The following CNOT1 variants were observed in gnomAD, a reference collection of about 807,000 sequenced individuals.
CNOT1 encodes CCR4-associated factor 1.
Under a neutral mutation model 273.8 loss-of-function variants are expected in CNOT1, and 15 were observed. The ratio of observed to expected loss-of-function variants is 0.05; its 90% CI spans 0.04 to 0.08. The LOEUF (loss-of-function observed/expected upper bound fraction) is 0.08. Among genes scored for constraint, CNOT1 ranks in the 10% least tolerant of loss-of-function variants. The pLI is 1.00. For synonymous variants in CNOT1, 1,022 were observed against 1,005.5 expected (o/e 1.02, Z -0.31); for missense variants, 1,644 against 2,912.2 (o/e 0.56, Z 10.02).
At chr16:58,604,360 C>G (rs528869976) in intron 1 of CNOT1, among the ~76,000 whole-genome samples, 1 of 152,136 alleles carries the variant, frequency 6.6e-6, no homozygotes, top group Non-Finnish European at 1.5e-5. Flanking sequence ...GATATTCATT[C>G]ACTATAAGGG....
chr16:58,593,499 C>T (rs1196480867), intron 2 of CNOT1, among the ~76,000 whole-genome samples: 4 of 151,134 alleles, frequency 2.6e-5, no homozygotes, highest in African/African-American at 9.8e-5. Flanking sequence ...GTGGAGGTTG[C>T]AGCGAGCGGA....
intron 46 of CNOT1, among the ~76,000 whole-genome samples, chr16:58,524,382 T>G (rs1336824793): frequency 6.6e-6 from 1 of 152,026 alleles, no homozygotes; most frequent in East Asian, 1.9e-4. Context: ...TGGGTTTGGT[T>G]GTTTGCCTCT....
At chr16:58,556,553 A>G (rs1420144835) in intron 19 of CNOT1, among the ~76,000 whole-genome samples, 6 of 149,634 alleles carry the variant, frequency 4.0e-5, no homozygotes, top group African/African-American at 1.5e-4. Flanking sequence ...AACTCAACAC[A>G]TGTTTAGGTT....
At chr16:58,564,944 T>A (rs1038996719) in intron 16 of CNOT1, among the ~76,000 whole-genome samples, 3 of 151,894 alleles carry the variant, frequency 2.0e-5, no homozygotes, top group Non-Finnish European at 4.4e-5. Context: ...CTCAAAAAAA[T>A]AAATAAATAA....
chr16:58,576,616 T>C, intron 13 of CNOT1, 34 bp from the exon 14 acceptor site: 1 of 1,613,112 alleles, frequency 6.2e-7, no homozygotes, highest in Non-Finnish European at 8.5e-7. Flanking sequence ...ATAGCAATAC[T>C]GCTAAACACT....
chr16:58,590,881 C>T (rs970591077), intron 2 of CNOT1, among the ~76,000 whole-genome samples: 2 of 152,220 alleles, frequency 1.3e-5, no homozygotes, highest in African/African-American at 2.4e-5. Flanking sequence ...GTATATGCTA[C>T]GTACTAGTCT....
chr16:58,599,699 A>C (rs1395792070), intron 1 of CNOT1, among the ~76,000 whole-genome samples, 188 bp from the exon 2 acceptor site: 1 of 152,182 alleles, frequency 6.6e-6, no homozygotes, highest in Non-Finnish European at 1.5e-5. Flanking sequence ...ATGACTCTAA[A>C]AAGATAGTAA....
In CNOT1 at chr16:58,538,810, C is replaced by T; in HGVS notation, c.5097G>A (p.Arg1699=). ...LLVLKALQDG[R]AYGSPWCNKQ... ...TGTTGCACCATGGAGACCCATATGCCCGGCCATCCTGCAGAGCTTTTAGGA... is the reference window on the plus strand; with the variant it reads ...TGTTGCACCATGGAGACCCATATGCTCGGCCATCCTGCAGAGCTTTTAGGA... The change falls in exon 36 of 49, where the codon CGG becomes CGA. Residue 1699 remains arginine (R), a synonymous_variant. Coordinates refer to ENST00000317147, the MANE Select transcript of CNOT1 (RefSeq NM_016284.5). 6.2e-7 allele frequency: 1 copy of T among 1,612,650 alleles called. No homozygotes were observed. The highest frequency in any genetic ancestry group is 1.1e-5 in the South Asian group (1 of 90,974).
intron 16 of CNOT1, among the ~76,000 whole-genome samples, chr16:58,574,185 G>A (rs1344410905): frequency 1.3e-5 from 2 of 152,018 alleles, no homozygotes; most frequent in Non-Finnish European, 2.9e-5. Context: ...GTTGAGGTGG[G>A]AGGATCACTT....
rs1424922054 is a variant in CNOT1 at position 58,538,258 on chromosome 16, A to G, written c.5144T>C (p.Ile1715Thr). ...ATATTTATATTCATCTCGACATTCA[A>G]TTAGGCACCTAGAAAAAGTTCAATA... ...WCNKQITRCLIECRDEYKYNV... is the reference protein window; with the variant it reads ...WCNKQITRCLTECRDEYKYNV... Residue 1715 changes from isoleucine (I) to threonine (T), a missense_variant, in exon 37 of 49, where the codon ATT (isoleucine) becomes ACT (threonine). This residue lies in a region of CNOT1 where 170 missense variants were observed against 273.1 expected (regional missense o/e 0.62). Transcript: ENST00000317147. The G allele has an allele frequency of 5.4e-6, 7 of 1,284,572 alleles. No homozygotes were observed. The highest frequency in any genetic ancestry group is 1.7e-5 in the Admixed American group (1 of 59,606). 79.6% of individuals were successfully genotyped at this position (1,284,572 alleles called of 1,614,324 possible).
chr16:58,597,099 G>GA (rs71666373), intron 2 of CNOT1, among the ~76,000 whole-genome samples: 33,374 of 133,290 alleles, frequency 0.25, 4,136 homozygotes, highest in African/African-American at 0.4. Flanking sequence ...CATTTAAAAA[G>GA]AAAAAAAAAA....
intron 1 of CNOT1, among the ~76,000 whole-genome samples, chr16:58,613,855 G>A (rs529705619): frequency 8.2e-6 from 1 of 121,590 alleles, no homozygotes; most frequent in South Asian, 2.4e-4. Context: ...TTGGGAGGCC[G>A]AGGCGGGTGG....
At chr16:58,521,914 G>A (rs2039392601) in intron 47 of CNOT1, among the ~76,000 whole-genome samples, 1 of 152,154 alleles carries the variant, frequency 6.6e-6, no homozygotes, top group South Asian at 2.1e-4. Context: ...TGGTGCCACT[G>A]CACTCCAGCC....
chr16:58,605,078 G>A lies in CNOT1; in HGVS notation c.-174-5567C>T, dbSNP rs191451129. On this transcript the variant is annotated intron_variant, in intron 1 of 48. Transcript: ENST00000317147. ...ATGAACCTGGGAGGCGGAGATTGCAGTGAGCCGAGATCGCGCCACTGCACT... is the reference window on the plus strand; with the variant it reads ...ATGAACCTGGGAGGCGGAGATTGCAATGAGCCGAGATCGCGCCACTGCACT... Among the ~76,000 whole-genome samples the A allele has an allele frequency of 9.1e-4, 138 of 152,308 alleles. 2 individuals carry two copies. The East Asian group carries it at 0.025, about 27-fold the overall frequency.
chr16:58,589,003 C>G, intron 2 of CNOT1, 97 bp from the exon 3 acceptor site: 1 of 1,377,008 alleles, frequency 7.3e-7, no homozygotes, highest in Non-Finnish European at 9.8e-7. Flanking sequence ...AGGCAAAATT[C>G]CAATTTACAT....
At chr16:58,576,937 G>A (rs1293432424) in intron 13 of CNOT1, among the ~76,000 whole-genome samples, 2 of 152,130 alleles carry the variant, frequency 1.3e-5, no homozygotes, top group African/African-American at 2.4e-5. Context: ...CAAATTACTG[G>A]TATATAAATA....
At chr16:58,529,772 T>G (rs2039713078) in intron 43 of CNOT1, among the ~76,000 whole-genome samples, 1 of 127,464 alleles carries the variant, frequency 7.8e-6, no homozygotes, top group Non-Finnish European at 1.6e-5. Context: ...ACCTGGGAGG[T>G]GGAGGTTGCA....
At chr16:58,603,124 A>G (rs746335890) in intron 1 of CNOT1, among the ~76,000 whole-genome samples, 45 of 152,332 alleles carry the variant, frequency 3.0e-4, no homozygotes, top group South Asian at 8.3e-4. Flanking sequence ...AAGGATCATC[A>G]TATCTCTCAC....
At chr16:58,614,234 A>T (rs2152038201) in intron 1 of CNOT1, among the ~76,000 whole-genome samples, 1 of 124,960 alleles carries the variant, frequency 8.0e-6, no homozygotes, top group South Asian at 2.3e-4. Flanking sequence ...GAGGTAACAT[A>T]GATGGCCCGA....
Sources: gnomAD v4.1 joint callset for allele counts (sites outside exome capture counted in the v4.1 genomes callset) on GRCh38, gnomAD v4.1.1 for gene constraint, gnomAD v4.1.1 regional missense constraint, MANE v1.5 for transcripts, NCBI Gene and HGNC (gene_info 2026-07-23, HGNC 2026-07-21) for gene names.